Variants in ANHX observed in about 807,000 individuals in gnomAD.
The protein encoded by ANHX is anomalous homeobox protein.
ANHX carries 20 observed loss-of-function variants against 38.9 expected under a neutral mutation model. The ratio of observed to expected loss-of-function variants is 0.51; its 90% confidence interval spans 0.36 to 0.75. The LOEUF is 0.75. ANHX is among the 30% of genes least tolerant of loss of function. The pLI, the probability that ANHX is intolerant of heterozygous loss-of-function variation, is 0.00. For synonymous variants in ANHX, 185 were observed against 203.1 expected (o/e 0.91, Z 0.76); for missense variants, 475 against 493.1 (o/e 0.96, Z 0.35).
In ANHX at chr12:133,232,480, G is replaced by A. The variant is rs143887357; in HGVS notation, c.250-836C>T. On this transcript the variant is annotated intron_variant, in intron 2 of 9. Transcript: ENST00000545940. The stretch of plus-strand genomic sequence containing the variant: ...TCGGCAGTGACCCCTCAGAGCCGAC[G>A]GCTCTGTGCCCCACTCTCCTCTCAG... Among the ~76,000 whole-genome samples the A allele has an allele frequency of 3.1e-3, 473 of 152,252 alleles. 1 individual carries two copies. Among genetic ancestry groups the A allele is most frequent in the African/African-American group, 9.9e-3 (413 of 41,552 alleles).
chr12:133,228,175 T>C (rs2135566286), intron 3 of ANHX, among the ~76,000 whole-genome samples: 1 of 152,254 alleles, frequency 6.6e-6, no homozygotes, highest in Non-Finnish European at 1.5e-5. Flanking sequence ...AGGAGCCCTC[T>C]GTGGGCCCTT....
At position 133,220,247 on chromosome 12, in the gene ANHX, G is replaced by A. The variant is rs561242385; in HGVS notation, c.1281-880C>T. 1.6e-4 allele frequency among the ~76,000 whole-genome samples: 25 copies of A among 152,270 alleles called. No homozygotes were observed. The East Asian group carries it at 4.6e-3, about 28-fold the overall frequency. Reference sequence around the variant, plus strand: ...TGAAGCCACTTTTAACGAAGGAACTGATGTTTTCAGGTTGAAGCATGGCCT... The same window carrying A: ...TGAAGCCACTTTTAACGAAGGAACTAATGTTTTCAGGTTGAAGCATGGCCT... On this transcript the variant is annotated intron_variant, in intron 8 of 9. Transcript: ENST00000545940.
At position 133,225,724 on chromosome 12, in the gene ANHX, T is replaced by C. The variant is rs1187605111; in HGVS notation, c.944A>G (p.Asn315Ser). Among the ~76,000 whole-genome samples, 4 of 152,310 alleles carry C rather than the reference T, an allele frequency of 2.6e-5. No individual in the cohort carries two copies. The highest frequency in any genetic ancestry group is 1.9e-4 in the East Asian group (1 of 5,172). ...GPGLCPLAAGNDMLNPSLAAP... is the reference protein window; with the variant it reads ...GPGLCPLAAGSDMLNPSLAAP... ...AGCCAGAGAGGGGTTCAGCATGTCATTGCCAGCAGCCAGAGGGCAGAGGCC... is the reference window on the plus strand; with the variant it reads ...AGCCAGAGAGGGGTTCAGCATGTCACTGCCAGCAGCCAGAGGGCAGAGGCC... Residue 315 changes from asparagine to serine, a missense_variant, in exon 7 of 10, where the codon AAT becomes AGT. Physicochemically the swap from Asn to Ser is conservative, Grantham distance 46 (BLOSUM62 1). Transcript: ENST00000545940.
At chr12:133,225,272 G>A (rs1182509501) in intron 7 of ANHX, among the ~76,000 whole-genome samples, 3 of 151,636 alleles carry the variant, frequency 2.0e-5, no homozygotes, top group African/African-American at 7.3e-5. Context: ...CAGGGTGGCA[G>A]CTCTTTCCTT....
intron 8 of ANHX, among the ~76,000 whole-genome samples, chr12:133,219,847 T>A (rs1323130760): frequency 7.9e-5 from 12 of 151,780 alleles, no homozygotes; most frequent in Admixed American, 7.9e-4. Context: ...TGCCCCCAAA[T>A]CCCCATCCAC....
Position 133,227,115 on chromosome 12 carries a change from T to TG in ANHX, c.538dup (p.Gln180ProfsTer29). ...GTAATTGGCAAACCAGTTGTACACCTGCTCAGGGGTCAAGCTCGTCTCCAA... is the reference window on the plus strand; with the variant it reads ...GTAATTGGCAAACCAGTTGTACACCTGGCTCAGGGGTCAAGCTCGTCTCCAA... On this transcript the variant is annotated frameshift_variant, in exon 5 of 10. Transcript: ENST00000545940. LOFTEE classifies it high-confidence loss of function. The TG allele has an allele frequency of 6.5e-7, 1 of 1,535,964 alleles. No individual in the cohort carries two copies. Among genetic ancestry groups the TG allele is most frequent in the Non-Finnish European group, 8.7e-7 (1 of 1,146,780 alleles).
At chr12:133,231,291 A>G (rs1261526247) in intron 3 of ANHX, among the ~76,000 whole-genome samples, 1 of 152,200 alleles carries the variant, frequency 6.6e-6, no homozygotes, top group African/African-American at 2.4e-5. Context: ...CAGCTGACTG[A>G]AGTGGCTGGT....
At chr12:133,223,864 G>C (rs188918810) in intron 7 of ANHX, among the ~76,000 whole-genome samples, 1 of 151,586 alleles carries the variant, frequency 6.6e-6, no homozygotes, top group Middle Eastern at 3.4e-3. Flanking sequence ...CAAAAAATAA[G>C]AAAAAAAGAA....
At position 133,221,708 on chromosome 12, in the gene ANHX, T is replaced by C. The variant is rs925918538; in HGVS notation, c.1133-356A>G. On this transcript the variant is annotated intron_variant, in intron 7 of 9. Coordinates refer to ENST00000545940, the MANE Select transcript of ANHX (RefSeq NM_001372060.1). The surrounding 1 kb of genome is among the most constrained non-coding windows in gnomAD (Gnocchi z 4.1). ...TGTGCCAGGAGCCCTCAGTCTCCTC[T>C]TGTGGCTGGTTCACGGAGTGCTTGG... 1.3e-5 allele frequency among the ~76,000 whole-genome samples: 2 copies of C among 152,168 alleles called. No individual in the cohort carries two copies. The highest frequency in any genetic ancestry group is 2.4e-5 in the African/African-American group (1 of 41,442).
At position 133,226,199 on chromosome 12, in the gene ANHX, C is replaced by G. The variant is rs956301594; in HGVS notation, c.839+119G>C. ...TGGCTTCCCTCTCCCTGGGGTCTGA[C>G]CTGATCCCAGTGTGGGGGTCCTGTC... On this transcript the variant is annotated intron_variant, in intron 6 of 9. Coordinates refer to ENST00000545940, the MANE Select transcript of ANHX (RefSeq NM_001372060.1). 9 of 1,483,350 alleles carry G rather than the reference C, an allele frequency of 6.1e-6. No individual in the cohort carries two copies. In the African/African-American group the frequency reaches 1.1e-4, roughly 18 times the overall value. The allele number at this position is 1,483,350 out of a possible 1,614,324, so 91.9% of individuals were successfully genotyped here. A position where few individuals can be genotyped will look rare whatever the true frequency, so the allele number is the denominator to read the frequency against.
chr12:133,223,590 C>T (rs1450275406), intron 7 of ANHX, among the ~76,000 whole-genome samples: 3 of 151,876 alleles, frequency 2.0e-5, no homozygotes, highest in African/African-American at 4.8e-5. Context: ...GGACAACAGG[C>T]ACCACCACCA....
chr12:133,230,189 TC>T (rs1399001764), intron 3 of ANHX, among the ~76,000 whole-genome samples: 2 of 152,168 alleles, frequency 1.3e-5, no homozygotes, highest in African/African-American at 4.8e-5. Flanking sequence ...CTGGCCTTCA[TC>T]CCCAGCACCT....
chr12:133,233,107 G>A (rs567050906), intron 2 of ANHX, among the ~76,000 whole-genome samples: 1 of 152,356 alleles, frequency 6.6e-6, no homozygotes, highest in Non-Finnish European at 1.5e-5. Context: ...CACCTGCAAA[G>A]GCCTTGGGAC....
chr12:133,228,615 C>G (rs1388331094), intron 3 of ANHX, among the ~76,000 whole-genome samples: 1 of 152,144 alleles, frequency 6.6e-6, no homozygotes, highest in Non-Finnish European at 1.5e-5. Context: ...AGAAGAGAAG[C>G]ACCACCTGTG....
intron 8 of ANHX, among the ~76,000 whole-genome samples, chr12:133,220,248 A>C (rs1957090739): frequency 6.6e-6 from 1 of 152,150 alleles, no homozygotes; most frequent in Non-Finnish European, 1.5e-5. Flanking sequence ...GAAGGAACTG[A>C]TGTTTTCAGG....
chr12:133,222,724 A>C (rs1957127587), intron 7 of ANHX, among the ~76,000 whole-genome samples: 2 of 152,208 alleles, frequency 1.3e-5, no homozygotes, highest in Admixed American at 1.3e-4. Flanking sequence ...GCATCAAGGA[A>C]GGGCCAGAAT....
intron 3 of ANHX, among the ~76,000 whole-genome samples, chr12:133,228,706 C>T (rs549566410): frequency 6.6e-6 from 1 of 152,352 alleles, no homozygotes; most frequent in African/African-American, 2.4e-5. Context: ...AGCCGTGGCA[C>T]CTGCTCATCC....
In ANHX at chr12:133,233,747, C is replaced by T. The variant is rs539546067; in HGVS notation, c.249+361G>A. Among the ~76,000 whole-genome samples the T allele has an allele frequency of 5.9e-5, 9 of 152,218 alleles. No individual in the cohort carries two copies. The South Asian group carries it at 1.4e-3, about 25-fold the overall frequency. On this transcript the variant is annotated intron_variant, in intron 2 of 9. Coordinates refer to ENST00000545940, the MANE Select transcript of ANHX (RefSeq NM_001372060.1). ...GAGTTCTCCATTGCAGACTTGCGGCCGGGGAATGAGAAGGGGTCTGTCTGA... is the reference window on the plus strand; with the variant it reads ...GAGTTCTCCATTGCAGACTTGCGGCTGGGGAATGAGAAGGGGTCTGTCTGA...
rs555363242 is a variant in ANHX at position 133,225,270 on chromosome 12, C to T, written c.1132+266G>A. ...GACTGCAGTGGAGAGCACAGGGTGG[C>T]AGCTCTTTCCTTTCAACTCTTCCTC... On this transcript the variant is annotated intron_variant, in intron 7 of 9. Coordinates refer to ENST00000545940, the MANE Select transcript of ANHX (RefSeq NM_001372060.1). 3.3e-5 allele frequency among the ~76,000 whole-genome samples: 5 copies of T among 151,850 alleles called. No homozygotes were observed. The East Asian group carries it at 5.8e-4, about 18-fold the overall frequency.
Sources: allele counts gnomAD v4.1 joint callset (sites outside exome capture counted in the v4.1 genomes callset), GRCh38; gene constraint gnomAD v4.1.1; non-coding constraint Gnocchi (gnomAD v3.1); transcripts MANE v1.5; gene names NCBI Gene and HGNC (gene_info 2026-07-23, HGNC 2026-07-21).